The following GALNT1 variants were observed in gnomAD, a reference collection of about 807,000 sequenced individuals.
GALNT1 encodes the protein GalNAc transferase 1.
In GALNT1, 17 loss-of-function variants were observed where a neutral mutation model predicts 65.7. That is an observed-to-expected ratio of 0.26 (90% confidence interval 0.18 to 0.39). The LOEUF (loss-of-function observed/expected upper bound fraction) is 0.39. Among genes scored for constraint, GALNT1 ranks in the 10% least tolerant of loss-of-function variants. GALNT1 has a pLI of 1.00. For synonymous variants in GALNT1, 210 were observed against 219.7 expected (o/e 0.96, Z 0.39); for missense variants, 460 against 672.8 (o/e 0.68, Z 3.50).
Position 35,648,809 on chromosome 18 carries a change from G to A in GALNT1, c.-103-5751G>A, listed in dbSNP as rs147625118. The stretch of plus-strand genomic sequence containing the variant: ...TTCAGTTGTATAAGTTTATACAGTG[G>A]ACACAGTTGTATGACCCCCAGCCCA... On this transcript the variant is annotated intron_variant, in intron 1 of 11. Transcript: ENST00000269195. 4.5e-4 allele frequency among the ~76,000 whole-genome samples: 68 copies of A among 152,252 alleles called. No homozygotes were observed. In the East Asian group the frequency reaches 0.013, roughly 28 times the overall value.
At chr18:35,655,243 AGTTGTT>A (rs954674908) in intron 2 of GALNT1, among the ~76,000 whole-genome samples, 1 of 151,898 alleles carries the variant, frequency 6.6e-6, no homozygotes. Flanking sequence ...GATCTGTAGA[AGTTGTT>A]GTTGTTGTTG....
intron 9 of GALNT1, among the ~76,000 whole-genome samples, chr18:35,693,498 AAAAGGATCACATTG>A (rs2048002610): frequency 6.6e-6 from 1 of 152,240 alleles, no homozygotes; most frequent in African/African-American, 2.4e-5. Context: ...CTTCCACTAG[AAAAGGATCACATTG>A]TATGCTATGT....
intron 1 of GALNT1, among the ~76,000 whole-genome samples, chr18:35,584,457 CAGTT>C (rs2046357562): frequency 6.6e-6 from 1 of 152,012 alleles, no homozygotes; most frequent in African/African-American, 2.4e-5. Context: ...TTAAAAGAGG[CAGTT>C]AGGCAAAGAG....
chr18:35,621,135 A>G (rs888669979), intron 1 of GALNT1, among the ~76,000 whole-genome samples: 2 of 151,198 alleles, frequency 1.3e-5, no homozygotes, highest in Non-Finnish European at 2.9e-5. Flanking sequence ...GCCCGTTCAT[A>G]TCTTTGGCCA....
chr18:35,671,536 C>A (rs577578570), intron 3 of GALNT1, among the ~76,000 whole-genome samples: 122 of 152,288 alleles, frequency 8.0e-4, no homozygotes, highest in African/African-American at 2.8e-3. Flanking sequence ...ATTTGAACTT[C>A]TTTTAGGTTG....
intron 1 of GALNT1, among the ~76,000 whole-genome samples, chr18:35,648,152 G>A (rs2047259894): frequency 6.8e-6 from 1 of 147,252 alleles, no homozygotes; most frequent in Non-Finnish European, 1.5e-5. Flanking sequence ...AGGGAGGGAG[G>A]GAGAGAGGAT....
At chr18:35,698,594 TG>T (rs2055393155) in intron 9 of GALNT1, among the ~76,000 whole-genome samples, 2 of 152,244 alleles carry the variant, frequency 1.3e-5, no homozygotes, top group Non-Finnish European at 2.9e-5. Context: ...GACTAGTGGC[TG>T]CTACCATATT....
intron 1 of GALNT1, among the ~76,000 whole-genome samples, chr18:35,632,926 G>A (rs1429647944): frequency 6.6e-6 from 1 of 152,192 alleles, no homozygotes; most frequent in Non-Finnish European, 1.5e-5. Flanking sequence ...CATTTATGCA[G>A]CCAAAAGACA....
At chr18:35,668,175 A>C (rs998822776) in intron 3 of GALNT1, among the ~76,000 whole-genome samples, 2 of 152,190 alleles carry the variant, frequency 1.3e-5, no homozygotes, top group Non-Finnish European at 2.9e-5. Context: ...GAATAAGTAG[A>C]AGGAAGAGTG....
intron 1 of GALNT1, among the ~76,000 whole-genome samples, chr18:35,605,490 CA>C (rs1175947462): frequency 0.018 from 2,071 of 115,708 alleles, 37 homozygotes; most frequent in African/African-American, 0.056. Context: ...GACTCTGTCT[CA>C]AAAAAAAAAA....
intron 1 of GALNT1, among the ~76,000 whole-genome samples, chr18:35,636,422 A>G (rs987015896): frequency 6.6e-6 from 1 of 152,172 alleles, no homozygotes; most frequent in African/African-American, 2.4e-5. Flanking sequence ...AGAGAGACAG[A>G]AACAAAACAA....
At chr18:35,643,509 A>G (rs990231122) in intron 1 of GALNT1, among the ~76,000 whole-genome samples, 3 of 152,190 alleles carry the variant, frequency 2.0e-5, no homozygotes, top group African/African-American at 7.2e-5. Flanking sequence ...CACGCCTGTA[A>G]TCCCAACACT....
At chr18:35,596,654 G>A (rs2046508781) in intron 1 of GALNT1, 1 of 152,062 alleles carries the variant, frequency 6.6e-6, no homozygotes, top group African/African-American at 2.4e-5. Flanking sequence ...ATTTCACCGG[G>A]CAGAAATTTC....
At chr18:35,702,665 G>T in intron 9 of GALNT1, 7 of 301,080 alleles carry the variant, frequency 2.3e-5, no homozygotes, top group East Asian at 5.2e-5. Context: ...TGAAAAAAAT[G>T]AAAAAAGAAA....
At position 35,652,120 on chromosome 18, in the gene GALNT1, T is replaced by C. The variant is rs188499865; in HGVS notation, c.-103-2440T>C. ...ACCAGATTTCTTCCTGGTACGGTTATGATCTCAAAGAAACATCTCAAAGAA... is the reference window on the plus strand; with the variant it reads ...ACCAGATTTCTTCCTGGTACGGTTACGATCTCAAAGAAACATCTCAAAGAA... On this transcript the variant is annotated intron_variant, in intron 1 of 11. Coordinates refer to ENST00000269195, the MANE Select transcript of GALNT1 (RefSeq NM_020474.4). Among the ~76,000 whole-genome samples the C allele has an allele frequency of 2.8e-3, 433 of 152,258 alleles. 1 individual carries two copies. The highest frequency in any genetic ancestry group is 9.7e-3 in the African/African-American group (401 of 41,552).
intron 1 of GALNT1, among the ~76,000 whole-genome samples, chr18:35,632,642 A>G (rs922770353): frequency 1.2e-4 from 18 of 152,242 alleles, no homozygotes; most frequent in Non-Finnish European, 2.1e-4. Context: ...AGGCATGGGC[A>G]AGGACTTCAT....
Position 35,663,716 on chromosome 18 carries a change from A to ATTTC in GALNT1, c.228_229insTTTC (p.Glu77PhefsTer5). On this transcript the variant is annotated frameshift_variant, in exon 3 of 12. Transcript: ENST00000269195. LOFTEE classifies it high-confidence loss of function. ...CTAAAGAGGATCAAGAAAAGATGAA[A>ATTTC]GAGATGTTTAAAATCAATCAGTTCA... is the stretch of plus-strand genomic sequence containing the variant. The ATTTC allele has an allele frequency of 6.2e-7, 1 of 1,614,062 alleles. No homozygotes were observed.
At chr18:35,699,556 C>A (rs1231104604) in intron 9 of GALNT1, among the ~76,000 whole-genome samples, 1 of 152,146 alleles carries the variant, frequency 6.6e-6, no homozygotes, top group Non-Finnish European at 1.5e-5. Flanking sequence ...TGTGTGTACA[C>A]CAAGAAATGG....
At chr18:35,625,391 CAAGAG>C (rs1216207234) in intron 1 of GALNT1, among the ~76,000 whole-genome samples, 1 of 152,084 alleles carries the variant, frequency 6.6e-6, no homozygotes, top group African/African-American at 2.4e-5. Flanking sequence ...CCCTGAGAGC[CAAGAG>C]AAGAGGCTTT....
Sources: allele counts gnomAD v4.1 joint callset (sites outside exome capture counted in the v4.1 genomes callset), GRCh38; gene constraint gnomAD v4.1.1; transcripts MANE v1.5; gene names NCBI Gene and HGNC (gene_info 2026-07-23, HGNC 2026-07-21).